PCDHA8: variants seen among roughly 807,000 people sequenced by gnomAD.
The protein encoded by PCDHA8 is protocadherin alpha 8.
A neutral mutation model predicts 61.8 loss-of-function variants in PCDHA8; 53 were observed. The observed-to-expected ratio is 0.86, with a 90% CI of 0.69 to 1.08. PCDHA8 has a LOEUF of 1.08. PCDHA8 is among the 50% of genes least tolerant of loss of function. The pLI, the probability that PCDHA8 is intolerant of heterozygous loss-of-function variation, is 0.00. For synonymous variants in PCDHA8, 618 were observed against 556.6 expected (o/e 1.11, Z -1.55); for missense variants, 1,293 against 1,245.0 (o/e 1.04, Z -0.58).
At chr5:140,924,263 G>T (rs1292368780) in intron 1 of PCDHA8, among the ~76,000 whole-genome samples, 3 of 152,148 alleles carry the variant, frequency 2.0e-5, no homozygotes, top group African/African-American at 7.2e-5. Context: ...ATCTAATGAG[G>T]TCTGTACTTG....
chr5:140,949,161 C>T (rs2094347975), intron 1 of PCDHA8, among the ~76,000 whole-genome samples: 1 of 151,598 alleles, frequency 6.6e-6, no homozygotes, highest in Admixed American at 6.6e-5. Context: ...TAATCTAATT[C>T]TCTTTTGGTC....
chr5:140,999,459 T>C (rs2097858774), intron 3 of PCDHA8, among the ~76,000 whole-genome samples: 1 of 152,138 alleles, frequency 6.6e-6, no homozygotes, highest in Non-Finnish European at 1.5e-5. Flanking sequence ...AACGAATAAG[T>C]GGTGAAGCAG....
intron 1 of PCDHA8, chr5:140,854,630 AG>A (rs1201731604): frequency 6.7e-6 from 1 of 150,240 alleles, no homozygotes; most frequent in African/African-American, 2.4e-5. Flanking sequence ...TCTTTAGAAA[AG>A]TCAAAACATC....
At chr5:140,983,034 C>T (rs923296416) in intron 3 of PCDHA8, among the ~76,000 whole-genome samples, 1 of 151,944 alleles carries the variant, frequency 6.6e-6, no homozygotes, top group Non-Finnish European at 1.5e-5. Context: ...GATGGTTTCT[C>T]ATGGAAGTGG....
intron 1 of PCDHA8, among the ~76,000 whole-genome samples, chr5:140,904,512 C>T (rs1251570223): frequency 5.9e-5 from 9 of 151,738 alleles, no homozygotes; most frequent in Admixed American, 3.3e-4. Flanking sequence ...GTGAATTGTG[C>T]TGCTATAAAC....
intron 1 of PCDHA8, chr5:140,928,252 G>C (rs1377533547): frequency 2.5e-6 from 4 of 1,614,208 alleles, no homozygotes; most frequent in Non-Finnish European, 3.4e-6. Flanking sequence ...GGAACTTTTC[G>C]TTGCTGAAAA....
At chr5:140,866,584 T>C (rs2049444092) in intron 1 of PCDHA8, 1 of 152,156 alleles carries the variant, frequency 6.6e-6, no homozygotes, top group Non-Finnish European at 1.5e-5. Context: ...GGTTGGATAA[T>C]GTAATTCTAA....
chr5:141,009,889 G>A lies in PCDHA8; in HGVS notation c.2805G>A (p.Gln935=). ...KKKKKKGNKT[Q]EKKEKGNSTT... is the part of the protein sequence containing the mutation. ...AAAAGAAGAAGGGTAACAAGACCCAGGAGAAAAAAGAGAAAGGGAACAGCA... is the reference window on the plus strand; with the variant it reads ...AAAAGAAGAAGGGTAACAAGACCCAAGAGAAAAAAGAGAAAGGGAACAGCA... Residue 935 remains glutamine, a synonymous_variant, in exon 4 of 4, where the codon CAG becomes CAA. Transcript: ENST00000531613. 6.2e-7 allele frequency: 1 copy of A among 1,612,866 alleles called. No homozygotes were observed. Among genetic ancestry groups the A allele is most frequent in the South Asian group, 1.1e-5 (1 of 90,852 alleles).
At position 140,842,871 on chromosome 5, in the gene PCDHA8, T is replaced by A. The variant is rs1554139485; in HGVS notation, c.1550T>A (p.Val517Glu). The A allele has an allele frequency of 4.4e-6, 7 of 1,593,666 alleles. No individual in the cohort carries two copies. Among genetic ancestry groups the A allele is most frequent in the Middle Eastern group, 2.1e-4 (1 of 4,696 alleles). ...TCGGTGCACACGGAGAGCGGCAAGG[T>A]GTACGCGCTGCAGCCGCTGGACCAC... The part of the protein sequence containing the change: ...YISVHTESGK[V>E]YALQPLDHEE... The change falls in exon 1 of 4, where the codon GTG (valine) becomes GAG (glutamate). Residue 517 changes from valine to glutamate, a missense_variant. Transcript: ENST00000531613.
chr5:140,884,253 C>G (rs1356283866), intron 1 of PCDHA8: 2 of 1,613,302 alleles, frequency 1.2e-6, no homozygotes, highest in Non-Finnish European at 1.7e-6. Flanking sequence ...CTGACGGCCA[C>G]GGCAACGGTG....
intron 1 of PCDHA8, chr5:140,927,791 G>C: frequency 6.2e-7 from 1 of 1,614,196 alleles, no homozygotes; most frequent in Admixed American, 1.7e-5. Context: ...GCTTCACTAG[G>C]TCCGCCTGAA....
chr5:140,884,012 C>T, intron 1 of PCDHA8: 1 of 1,613,134 alleles, frequency 6.2e-7, no homozygotes, highest in Non-Finnish European at 8.5e-7. Context: ...CGAGCTGATG[C>T]CGCGGTCGGT....
chr5:140,973,719 C>T (rs1184460895), intron 1 of PCDHA8, among the ~76,000 whole-genome samples: 8 of 152,228 alleles, frequency 5.3e-5, no homozygotes, highest in African/African-American at 1.7e-4. Flanking sequence ...TGAGCCATCA[C>T]ATGGGCATCT....
chr5:140,865,215 T>C (rs2048774441), intron 1 of PCDHA8: 1 of 152,214 alleles, frequency 6.6e-6, no homozygotes, highest in Admixed American at 6.5e-5. Flanking sequence ...TTGCTTTCTT[T>C]AAAGGGATCC....
chr5:140,876,511 G>A lies in PCDHA8; in HGVS notation c.2394+32796G>A, dbSNP rs559810221. 2.4e-4 allele frequency: 380 copies of A among 1,614,076 alleles called. 4 individuals carry two copies. The South Asian group carries it at 3.9e-3, about 16-fold the overall frequency. ...GGAAGTTCTGGACGTGAATGACAATGTCCCTGAAGTAATGGTTACTTCACT... is the reference window on the plus strand; with the variant it reads ...GGAAGTTCTGGACGTGAATGACAATATCCCTGAAGTAATGGTTACTTCACT... On this transcript the variant is annotated intron_variant, in intron 1 of 3. Coordinates refer to ENST00000531613, the MANE Select transcript of PCDHA8 (RefSeq NM_018911.3).
chr5:140,923,456 G>T (rs1554201450), intron 1 of PCDHA8, among the ~76,000 whole-genome samples: 3 of 152,134 alleles, frequency 2.0e-5, no homozygotes, highest in African/African-American at 7.2e-5. Flanking sequence ...TGAGCCCAGA[G>T]AGGTAGGGGC....
rs60872775 is a variant in PCDHA8 at position 140,857,509 on chromosome 5, C to G, written c.2394+13794C>G. 2,646 of 1,598,160 alleles carry G rather than the reference C, an allele frequency of 1.7e-3. 197 individuals carry two copies. In the African/African-American group the frequency reaches 0.032, roughly 19 times the overall value. ...GGGACGCGGACGCGCAGGAGAACGCCCTGGTGTCCTACTCTCTGGTGGAGC... is the reference window on the plus strand; with the variant it reads ...GGGACGCGGACGCGCAGGAGAACGCGCTGGTGTCCTACTCTCTGGTGGAGC... On this transcript the variant is annotated intron_variant, in intron 1 of 3. Transcript: ENST00000531613.
chr5:140,850,955 C>G (rs782006051), intron 1 of PCDHA8: 1 of 1,482,450 alleles, frequency 6.7e-7, no homozygotes, highest in African/African-American at 1.4e-5. Context: ...ATCGATTACT[C>G]CCAGGGGCCG....
At chr5:140,873,260 G>A (rs1252265709) in intron 1 of PCDHA8, among the ~76,000 whole-genome samples, 2 of 152,146 alleles carry the variant, frequency 1.3e-5, no homozygotes, top group Non-Finnish European at 2.9e-5. Context: ...AGACTCAAAA[G>A]TGATTAAACC....
Sources: gnomAD v4.1 joint callset for allele counts (sites outside exome capture counted in the v4.1 genomes callset) on GRCh38, gnomAD v4.1.1 for gene constraint, MANE v1.5 for transcripts, NCBI Gene and HGNC (gene_info 2026-07-23, HGNC 2026-07-21) for gene names.